VSTM2L: variants seen among roughly 807,000 people sequenced by gnomAD.
VSTM2L encodes the protein V-set and transmembrane domain-containing protein 2-like protein.
A neutral mutation model predicts 19.9 loss-of-function variants in VSTM2L; 9 were observed. The observed-to-expected ratio is 0.45, with a 90% CI of 0.27 to 0.79. The LOEUF is 0.79. Among genes scored for constraint, VSTM2L ranks in the 30% least tolerant of loss-of-function variants. The pLI is 0.15. For synonymous variants in VSTM2L, 127 were observed against 133.8 expected (o/e 0.95, Z 0.35); for missense variants, 286 against 295.5 (o/e 0.97, Z 0.24).
chr20:37,928,766 GTATT>G (rs2072892641), intron 1 of VSTM2L, among the ~76,000 whole-genome samples: 1 of 152,098 alleles, frequency 6.6e-6, no homozygotes, highest in Non-Finnish European at 1.5e-5. Context: ...AAAATAAAAT[GTATT>G]TATTGAGCAC....
rs2072995981 is a variant in VSTM2L, at chr20:37,944,424, C to T, written c.*171C>T. On this transcript the variant is annotated 3_prime_UTR_variant, in exon 4 of 4. Coordinates refer to ENST00000373461, the MANE Select transcript of VSTM2L (RefSeq NM_080607.3). ...CACCCCTTGCTCAGCATGTAAGCCC[C>T]ACCCACCCCTGCCCTTTCAGACCCC... 1 of 1,189,496 alleles carries T rather than the reference C, an allele frequency of 8.4e-7. No individual in the cohort carries two copies. The highest frequency in any genetic ancestry group is 1.1e-6 in the Non-Finnish European group (1 of 913,778). The allele number at this position is 1,189,496 out of a possible 1,614,324, so 73.7% of individuals were successfully genotyped here. A position where few individuals can be genotyped will look rare whatever the true frequency, so the allele number is the denominator to read the frequency against.
Position 37,944,191 on chromosome 20 carries a change from C to T in VSTM2L, c.553C>T (p.Pro185Ser), listed in dbSNP as rs2072993174. Residue 185 changes from proline to serine, a missense_variant, in exon 4 of 4, where the codon CCC becomes TCC. By Grantham distance (74) the Pro-to-Ser change is moderately conservative. Transcript: ENST00000373461. ...EAPPAAPAPPPPKPGKELRKR... is the reference protein window; with the variant it reads ...EAPPAAPAPPSPKPGKELRKR... Reference sequence around the variant, plus strand: ...CCCTCCCGCCGCGCCCGCCCCGCCGCCCCCCAAGCCAGGCAAGGAGCTGAG... The same window carrying T: ...CCCTCCCGCCGCGCCCGCCCCGCCGTCCCCCAAGCCAGGCAAGGAGCTGAG... 1.9e-6 allele frequency: 3 copies of T among 1,540,108 alleles called. No homozygotes were observed. Among genetic ancestry groups the T allele is most frequent in the Admixed American group, 3.9e-5 (2 of 50,982 alleles).
At chr20:37,934,149 A>T (rs546401650) in intron 3 of VSTM2L, among the ~76,000 whole-genome samples, 1 of 152,342 alleles carries the variant, frequency 6.6e-6, no homozygotes, top group South Asian at 2.1e-4. Flanking sequence ...GCCAGAGGTC[A>T]CGCCAAGGGT....
chr20:37,917,861 CA>C (rs2072829059), intron 1 of VSTM2L, among the ~76,000 whole-genome samples: 1 of 152,206 alleles, frequency 6.6e-6, no homozygotes, highest in Non-Finnish European at 1.5e-5. Flanking sequence ...CAGCTCTCAC[CA>C]GGGGCAACAT....
intron 1 of VSTM2L, among the ~76,000 whole-genome samples, chr20:37,927,479 G>A (rs1421794433): frequency 6.6e-6 from 1 of 152,188 alleles, no homozygotes; most frequent in Non-Finnish European, 1.5e-5. Context: ...TGGTGTCCCG[G>A]TGGAGAAGTG....
chr20:37,925,680 A>G (rs2122960424), intron 1 of VSTM2L, among the ~76,000 whole-genome samples: 1 of 152,280 alleles, frequency 6.6e-6, no homozygotes, highest in South Asian at 2.1e-4. Context: ...AAGGTCCCTG[A>G]GGGTGCCTCC....
intron 1 of VSTM2L, among the ~76,000 whole-genome samples, chr20:37,927,512 T>G (rs1016730698): frequency 4.6e-5 from 7 of 152,260 alleles, no homozygotes; most frequent in Middle Eastern, 6.8e-3. Flanking sequence ...GGTCCTCCCC[T>G]GTGCTCCTGC....
chr20:37,932,375 G>A (rs2072915799), intron 2 of VSTM2L, among the ~76,000 whole-genome samples: 1 of 152,088 alleles, frequency 6.6e-6, no homozygotes, highest in Non-Finnish European at 1.5e-5. Flanking sequence ...AGCGTGCTCT[G>A]GGACCAGCCA....
At chr20:37,909,233 C>T (rs559667283) in intron 1 of VSTM2L, among the ~76,000 whole-genome samples, 2 of 152,362 alleles carry the variant, frequency 1.3e-5, no homozygotes, top group East Asian at 1.9e-4. Flanking sequence ...TCCAACTTCC[C>T]TCGATTTTCG....
In VSTM2L at chr20:37,903,483, C is replaced by T. The variant is rs1200511544; in HGVS notation, c.121+12C>T. The T allele has an allele frequency of 2.9e-5, 43 of 1,467,446 alleles. No homozygotes were observed. The highest frequency in any genetic ancestry group is 2.7e-6 in the Non-Finnish European group (3 of 1,115,266). The allele number at this position is 1,467,446 out of a possible 1,614,324, so 90.9% of individuals were successfully genotyped here. On this transcript the variant is annotated intron_variant, in intron 1 of 3. Transcript: ENST00000373461. ...CGTCTCCGGCCACGGTGAGTTCGGTCGCCGCCCCCGCGGACTTCCCCACCA... is the reference window on the plus strand; with the variant it reads ...CGTCTCCGGCCACGGTGAGTTCGGTTGCCGCCCCCGCGGACTTCCCCACCA...
In VSTM2L at chr20:37,931,612, T is replaced by C. The variant is rs187396267; in HGVS notation, c.122-23T>C. The C allele has an allele frequency of 1.4e-4, 229 of 1,600,622 alleles. 1 individual carries two copies. In the African/African-American group the frequency reaches 2.5e-3, roughly 18 times the overall value. On this transcript the variant is annotated intron_variant, in intron 1 of 3. Coordinates refer to ENST00000373461, the MANE Select transcript of VSTM2L (RefSeq NM_080607.3). ...CCCGTGGTTTCCTGAGCCCCGCCAT[T>C]CTTCCCCCTGTTTCTTGCACAGCCC...
intron 1 of VSTM2L, among the ~76,000 whole-genome samples, chr20:37,920,511 A>C (rs936470734): frequency 1.3e-5 from 2 of 152,056 alleles, no homozygotes; most frequent in Non-Finnish European, 2.9e-5. Flanking sequence ...AGATGACTTT[A>C]TGGGCCATCT....
At chr20:37,937,744 T>C (rs969255006) in intron 3 of VSTM2L, among the ~76,000 whole-genome samples, 11 of 152,174 alleles carry the variant, frequency 7.2e-5, no homozygotes, top group Admixed American at 5.2e-4. Flanking sequence ...AGACGGGTGT[T>C]AATCCAATAA....
At chr20:37,920,003 G>A (rs572237085) in intron 1 of VSTM2L, among the ~76,000 whole-genome samples, 1 of 152,330 alleles carries the variant, frequency 6.6e-6, no homozygotes, top group African/African-American at 2.4e-5. Flanking sequence ...CCCGGGGCAG[G>A]AGACTGGCTC....
rs1426774724 is a variant in VSTM2L at position 37,945,264 on chromosome 20, G to A, written c.*1011G>A. ...TGACGTGGGGGAGGTGGGAGAGGCCGAGGGCTTTGCCTAGGGGTGGGTTGC... is the reference window on the plus strand; with the variant it reads ...TGACGTGGGGGAGGTGGGAGAGGCCAAGGGCTTTGCCTAGGGGTGGGTTGC... On this transcript the variant is annotated 3_prime_UTR_variant, in exon 4 of 4. Transcript: ENST00000373461. 18 of 985,530 alleles carry A rather than the reference G, an allele frequency of 1.8e-5. No individual in the cohort carries two copies. The highest frequency in any genetic ancestry group is 1.4e-4 in the South Asian group (3 of 21,288). The allele number at this position is 985,530 out of a possible 1,614,324, so 61.0% of individuals were successfully genotyped here. A position where few individuals can be genotyped will look rare whatever the true frequency, so the allele number is the denominator to read the frequency against.
rs934903532 is a variant in VSTM2L at position 37,931,786 on chromosome 20, G to A, written c.273G>A (p.Gln91=). ...VRSHRDWTDK[Q]AWASNQLKAS... ...GCCACCGGGACTGGACCGACAAGCA[G>A]GCGTGGGCCTCGAACCAGGTAATGC... Residue 91 remains glutamine (Q), a synonymous_variant, in exon 2 of 4, where the codon CAG becomes CAA. Transcript: ENST00000373461. 34 of 1,613,752 alleles carry A rather than the reference G, an allele frequency of 2.1e-5. No individual in the cohort carries two copies. Among genetic ancestry groups the A allele is most frequent in the Non-Finnish European group, 2.7e-5 (32 of 1,179,980 alleles).
chr20:37,924,073 C>T (rs1036089249), intron 1 of VSTM2L, among the ~76,000 whole-genome samples: 6 of 151,954 alleles, frequency 3.9e-5, no homozygotes, highest in Non-Finnish European at 7.4e-5. Flanking sequence ...CCTGTCTCTA[C>T]AAAAATTTTA....
intron 1 of VSTM2L, among the ~76,000 whole-genome samples, chr20:37,911,257 A>AAAAAAAAAAG: frequency 7.6e-6 from 1 of 131,604 alleles, no homozygotes. Flanking sequence ...AAAAAAAAAA[A>AAAAAAAAAAG]AAGCTGGGAT....
rs1277259454 is a variant in VSTM2L at position 37,903,373 on chromosome 20, C to T, written c.23C>T (p.Ala8Val). Reference sequence around the variant, plus strand: ...ACGATGGGGGCCCCGCTCGCCGTAGCGCTGGGCGCCCTCCACTACCTGGCA... The same window carrying T: ...ACGATGGGGGCCCCGCTCGCCGTAGTGCTGGGCGCCCTCCACTACCTGGCA... MGAPLAV[A>V]LGALHYLALF... Residue 8 changes from alanine to valine, a missense_variant, in exon 1 of 4, where the codon GCG becomes GTG. By Grantham distance (64) the Ala-to-Val change is moderately conservative (BLOSUM62 0). Coordinates refer to ENST00000373461, the MANE Select transcript of VSTM2L (RefSeq NM_080607.3). The T allele has an allele frequency of 6.8e-7, 1 of 1,481,122 alleles. No homozygotes were observed. The allele number at this position is 1,481,122 out of a possible 1,614,324, so 91.7% of individuals were successfully genotyped here. A position where few individuals can be genotyped will look rare whatever the true frequency, so the allele number is the denominator to read the frequency against.
Sources: allele counts gnomAD v4.1 joint callset (sites outside exome capture counted in the v4.1 genomes callset), GRCh38; gene constraint gnomAD v4.1.1; transcripts MANE v1.5; gene names NCBI Gene and HGNC (gene_info 2026-07-23, HGNC 2026-07-21).